The following NAV2 variants were observed in gnomAD, a reference collection of about 807,000 sequenced individuals.
NAV2 encodes the protein helicase, APC down-regulated 1.
Under a neutral mutation model 223.2 loss-of-function variants are expected in NAV2, and 54 were observed. The ratio of observed to expected loss-of-function variants is 0.24; its 90% CI spans 0.19 to 0.30. The LOEUF is 0.30. NAV2 is among the 10% of genes least tolerant of loss of function. NAV2 has a pLI of 1.00. For synonymous variants in NAV2, 1,279 were observed against 1,239.3 expected, an observed-to-expected ratio of 1.03 and a Z score of -0.67; for missense variants, 2,806 against 3,147.5, an observed-to-expected ratio of 0.89 and a Z score of 2.60.
intron 1 of NAV2, among the ~76,000 whole-genome samples, chr11:19,387,118 C>T (rs756364871): frequency 2.0e-5 from 3 of 152,198 alleles, no homozygotes; most frequent in South Asian, 2.1e-4. Flanking sequence ...CACACACACT[C>T]GCACTCACAC....
chr11:19,771,943 G>A (rs1309366160), intron 1 of NAV2, among the ~76,000 whole-genome samples: 2 of 152,082 alleles, frequency 1.3e-5, no homozygotes, highest in Non-Finnish European at 2.9e-5. Flanking sequence ...TGACCTTTTG[G>A]TAGGAGGCTT....
At chr11:19,952,108 C>A (rs372527266) in intron 10 of NAV2, among the ~76,000 whole-genome samples, 1 of 152,198 alleles carries the variant, frequency 6.6e-6, no homozygotes, top group African/African-American at 2.4e-5. Flanking sequence ...GAGTTCAGAG[C>A]AAGACACTTA....
At chr11:19,897,278 T>A (rs1337381062) in intron 6 of NAV2, among the ~76,000 whole-genome samples, 1 of 152,110 alleles carries the variant, frequency 6.6e-6, no homozygotes, top group Non-Finnish European at 1.5e-5. Flanking sequence ...ATATACCTAA[T>A]GTTAAATGAC....
intron 12 of NAV2, among the ~76,000 whole-genome samples, chr11:20,043,533 C>T (rs1040013022): frequency 1.6e-4 from 24 of 152,288 alleles, no homozygotes; most frequent in Middle Eastern, 3.4e-3. Flanking sequence ...GCAGCCTCCA[C>T]CTCCCCGGGG....
chr11:19,655,917 A>T (rs561544441), intron 1 of NAV2, among the ~76,000 whole-genome samples: 2 of 152,284 alleles, frequency 1.3e-5, no homozygotes, highest in African/African-American at 4.8e-5. Flanking sequence ...AAAGAATCTT[A>T]GGGGTGACCA....
At position 19,832,479 on chromosome 11, in the gene NAV2, T is replaced by C; in HGVS notation, c.268-5T>C. 3.8e-6 allele frequency: 6 copies of C among 1,565,808 alleles called. No homozygotes were observed. Among genetic ancestry groups the C allele is most frequent in the Non-Finnish European group, 5.2e-6 (6 of 1,157,872 alleles). On this transcript the variant is annotated splice_region_variant and splice_polypyrimidine_tract_variant and intron_variant, in intron 1 of 37. Transcript: ENST00000349880. ...CCTAAAGTTGCCTGTTTGCTTTTTT[T>C]ACAGATCTACACAGACTGGGCCAAT... is the stretch of plus-strand genomic sequence containing the variant.
At position 19,899,120 on chromosome 11, in the gene NAV2, C is replaced by T. The variant is rs1565520314; in HGVS notation, c.931+6526C>T. Among the ~76,000 whole-genome samples the T allele has an allele frequency of 2.0e-5, 3 of 152,144 alleles. No individual in the cohort carries two copies. The South Asian group carries it at 6.2e-4, about 32-fold the overall frequency. On this transcript the variant is annotated intron_variant, in intron 6 of 37. Coordinates refer to ENST00000349880, the MANE Select transcript of NAV2 (RefSeq NM_145117.5). ...GCTATTGCACCTCATCTGATGGGAG[C>T]GCCATCCGTGATCCATGCTTTCTGG...
At chr11:19,452,990 A>C (rs1851840527) in intron 1 of NAV2, among the ~76,000 whole-genome samples, 1 of 152,234 alleles carries the variant, frequency 6.6e-6, no homozygotes, top group African/African-American at 2.4e-5. Flanking sequence ...AGATGTTGAA[A>C]TTGAGGCTCA....
chr11:19,945,148 T>TC (rs2046808501), intron 8 of NAV2, among the ~76,000 whole-genome samples: 1 of 132,864 alleles, frequency 7.5e-6, no homozygotes. Flanking sequence ...TTCCTTTCTT[T>TC]CTGTCTCCCT....
intron 37 of NAV2, 37 bp downstream of exon 37, chr11:20,114,832 T>A (rs1453784223): frequency 6.3e-7 from 1 of 1,579,800 alleles, no homozygotes; most frequent in Non-Finnish European, 8.6e-7. Flanking sequence ...CAGCATTCCT[T>A]TAGCACTTAC....
At chr11:19,728,295 C>T (rs1031201465) in intron 1 of NAV2, among the ~76,000 whole-genome samples, 9 of 152,264 alleles carry the variant, frequency 5.9e-5, no homozygotes, top group Middle Eastern at 3.4e-3. Context: ...TGACTCTGGG[C>T]GCATATTCAG....
intron 1 of NAV2, among the ~76,000 whole-genome samples, chr11:19,648,931 C>T (rs2047891922): frequency 6.6e-6 from 1 of 151,980 alleles, no homozygotes; most frequent in Non-Finnish European, 1.5e-5. Flanking sequence ...TCTTACTATG[C>T]TAATTATGGA....
rs1380163448 is a variant in NAV2, at chr11:19,933,475, A to G, written c.1231A>G (p.Lys411Glu). ...GGAAAAGCTGAAACTTTTCAACAGT[A>G]AAGGGGGCTCAAAGGCAGGTGAGGG... ...MLEKLKLFNS[K>E]GGSKAGEGPG... The change falls in exon 7 of 38, where the codon AAA becomes GAA. Residue 411 changes from lysine (K) to glutamate (E), a missense_variant. By Grantham distance (56) the Lys-to-Glu change is moderately conservative (BLOSUM62 1). Transcript: ENST00000349880. The surrounding 1 kb of genome is among the most constrained non-coding windows in gnomAD (Gnocchi z 4.3). 1 of 1,610,572 alleles carries G rather than the reference A, an allele frequency of 6.2e-7. No homozygotes were observed. The highest frequency in any genetic ancestry group is 8.5e-7 in the Non-Finnish European group (1 of 1,178,724).
At chr11:20,016,416 T>C (rs1412856874) in intron 11 of NAV2, among the ~76,000 whole-genome samples, 1 of 152,226 alleles carries the variant, frequency 6.6e-6, no homozygotes, top group Non-Finnish European at 1.5e-5. Flanking sequence ...AATGAAATCT[T>C]TTGTTTAGAG....
chr11:19,987,764 T>C (rs777591371), intron 11 of NAV2, among the ~76,000 whole-genome samples: 6 of 152,192 alleles, frequency 3.9e-5, no homozygotes, highest in Non-Finnish European at 8.8e-5. Flanking sequence ...TGTCACTCTT[T>C]AGGGTTGCCA....
intron 1 of NAV2, among the ~76,000 whole-genome samples, chr11:19,537,926 C>G (rs1156957497): frequency 6.6e-6 from 1 of 152,164 alleles, no homozygotes; most frequent in Non-Finnish European, 1.5e-5. Context: ...GAAGGACTGG[C>G]CTAGGTGATG....
intron 11 of NAV2, among the ~76,000 whole-genome samples, chr11:20,002,223 G>T (rs2052620244): frequency 6.6e-6 from 1 of 152,140 alleles, no homozygotes; most frequent in Non-Finnish European, 1.5e-5. Flanking sequence ...TCGCATTGGG[G>T]GTTAGATTTC....
intron 1 of NAV2, among the ~76,000 whole-genome samples, chr11:19,773,387 C>T (rs532441320): frequency 3.9e-5 from 6 of 152,248 alleles, no homozygotes; most frequent in Non-Finnish European, 7.4e-5. Context: ...GACCCTACCT[C>T]GTGGCTACCA....
intron 26 of NAV2, among the ~76,000 whole-genome samples, chr11:20,083,387 A>G (rs2060214118): frequency 6.6e-6 from 1 of 152,204 alleles, no homozygotes; most frequent in Non-Finnish European, 1.5e-5. Context: ...TGGTGTCAAT[A>G]TCCATAACTA....
Sources: allele counts gnomAD v4.1 joint callset (sites outside exome capture counted in the v4.1 genomes callset), GRCh38; gene constraint gnomAD v4.1.1; non-coding constraint Gnocchi (gnomAD v3.1); transcripts MANE v1.5; gene names NCBI Gene and HGNC (gene_info 2026-07-23, HGNC 2026-07-21).